PCDH7: variants seen among roughly 807,000 people sequenced by gnomAD.
PCDH7 encodes the protein protocadherin 7, also known as protocadherin-7.
Under a neutral mutation model 58.9 loss-of-function variants are expected in PCDH7, and 17 were observed. The ratio of observed to expected loss-of-function variants is 0.29; its 90% CI spans 0.20 to 0.43. The LOEUF is 0.43. PCDH7 is among the 20% of genes least tolerant of loss of function. The pLI, the probability that PCDH7 is intolerant of heterozygous loss-of-function variation, is 1.00. For missense variants in PCDH7, 1,274 were observed against 1,441.0 expected, an observed-to-expected ratio of 0.88 and a Z score of 1.88; for synonymous variants, 664 against 616.4, an observed-to-expected ratio of 1.08 and a Z score of -1.14.
chr4:30,797,366 G>A (rs779742946), intron 1 of PCDH7, among the ~76,000 whole-genome samples: 1 of 151,248 alleles, frequency 6.6e-6, no homozygotes, highest in Non-Finnish European at 1.5e-5. Flanking sequence ...TCCGCCTCCC[G>A]GGTTCACACC....
At chr4:30,942,008 G>GTATATATT (rs1553917470) in intron 2 of PCDH7, among the ~76,000 whole-genome samples, 1 of 151,806 alleles carries the variant, frequency 6.6e-6, no homozygotes, top group Non-Finnish European at 1.5e-5. Context: ...GTGGAGGCCT[G>GTATATATT]TATTTATTTA....
At position 30,724,112 on chromosome 4, in the gene PCDH7, T is replaced by C. The variant is rs141007619; in HGVS notation, c.2690T>C (p.Ile897Thr). Residue 897 changes from isoleucine (I) to threonine (T), a missense_variant, in exon 1 of 2, where the codon ATT becomes ACT. Coordinates refer to ENST00000361762, the Ensembl canonical transcript of PCDH7. ...ATGACGGTGATTCTAATCATCTTAA[T>C]TGTAGTGATGGCAAGGTACTGCAGG... 925 of 1,614,026 alleles carry C rather than the reference T, an allele frequency of 5.7e-4. 4 individuals carry two copies. Among genetic ancestry groups the C allele is most frequent in the Middle Eastern group, 1.5e-3 (9 of 6,062 alleles).
At chr4:30,839,855 A>G (rs1041878091) in intron 1 of PCDH7, among the ~76,000 whole-genome samples, 3 of 152,172 alleles carry the variant, frequency 2.0e-5, no homozygotes, top group Admixed American at 6.6e-5. Flanking sequence ...GATACAGTAT[A>G]TCTATTGCTG....
At chr4:31,141,355 G>A (rs1720230835) in intron 3 of PCDH7, among the ~76,000 whole-genome samples, 1 of 152,110 alleles carries the variant, frequency 6.6e-6, no homozygotes, top group Non-Finnish European at 1.5e-5. Flanking sequence ...GATAACAACT[G>A]GAATGCAGTC....
chr4:31,082,883 C>T lies in PCDH7; in HGVS notation c.*8-59590C>T, dbSNP rs188235636. Among the ~76,000 whole-genome samples the T allele has an allele frequency of 6.8e-3, 1,030 of 152,136 alleles. 11 individuals are homozygous for T. The highest frequency in any genetic ancestry group is 0.023 in the African/African-American group (971 of 41,528). ...TTGGGAGGCCAAGGGCCAAGGTGGG[C>T]GGATCACGAGGTCAGGAGATCGAGA... On this transcript the variant is annotated intron_variant, in intron 3 of 3. Coordinates refer to the PCDH7 transcript ENST00000509759.
intron 3 of PCDH7, among the ~76,000 whole-genome samples, chr4:30,997,674 GCAGA>G (rs1482615089): frequency 6.6e-6 from 1 of 152,046 alleles, no homozygotes; most frequent in African/African-American, 2.4e-5. Context: ...CTAAAATCAT[GCAGA>G]CAATGTTGAA....
At chr4:30,799,806 GCAT>G (rs1725287010) in intron 1 of PCDH7, among the ~76,000 whole-genome samples, 1 of 151,430 alleles carries the variant, frequency 6.6e-6, no homozygotes, top group Non-Finnish European at 1.5e-5. Context: ...TGGAATTATT[GCAT>G]ATAATTCAAG....
At chr4:31,129,999 CA>C (rs1718781691) in intron 3 of PCDH7, among the ~76,000 whole-genome samples, 1 of 151,676 alleles carries the variant, frequency 6.6e-6, no homozygotes, top group South Asian at 2.1e-4. Flanking sequence ...AAAACAACAA[CA>C]AAAAATAAGT....
chr4:30,747,883 G>A (rs1047408705), intron 1 of PCDH7, among the ~76,000 whole-genome samples: 1 of 152,142 alleles, frequency 6.6e-6, no homozygotes, highest in Non-Finnish European at 1.5e-5. Flanking sequence ...TATTTGGGTA[G>A]ACTCCAGTCA....
intron 3 of PCDH7, among the ~76,000 whole-genome samples, chr4:31,085,124 T>A (rs1712218385): frequency 6.6e-6 from 1 of 152,020 alleles, no homozygotes; most frequent in Non-Finnish European, 1.5e-5. Context: ...TTTTTAAGGA[T>A]AACTTGATGG....
chr4:30,911,100 T>G (rs1042482409), intron 1 of PCDH7, among the ~76,000 whole-genome samples: 1 of 151,448 alleles, frequency 6.6e-6, no homozygotes. Flanking sequence ...TAAGTGGGAG[T>G]TGAACAATGA....
At chr4:31,093,940 TG>T (rs1447247906) in intron 3 of PCDH7, among the ~76,000 whole-genome samples, 1 of 152,142 alleles carries the variant, frequency 6.6e-6, no homozygotes, top group African/African-American at 2.4e-5. Flanking sequence ...AACTGGAATT[TG>T]TAAGCGATCT....
At chr4:30,931,823 C>G (rs78385859) in intron 2 of PCDH7, among the ~76,000 whole-genome samples, 1 of 140,260 alleles carries the variant, frequency 7.1e-6, no homozygotes, top group East Asian at 2.1e-4. Context: ...TTTTTCAGGA[C>G]TTTTTTTTTT....
intron 1 of PCDH7, among the ~76,000 whole-genome samples, chr4:30,852,198 A>C (rs901276018): frequency 6.6e-6 from 1 of 152,120 alleles, no homozygotes; most frequent in African/African-American, 2.4e-5. Flanking sequence ...TTAAGAGACT[A>C]TGACAAAATA....
chr4:30,841,875 T>C (rs1383322990), intron 1 of PCDH7, among the ~76,000 whole-genome samples: 1 of 152,082 alleles, frequency 6.6e-6, no homozygotes, highest in East Asian at 1.9e-4. Context: ...TTTAATATTC[T>C]CCTGAGTTGT....
At chr4:30,769,348 G>A (rs567761776) in intron 1 of PCDH7, among the ~76,000 whole-genome samples, 4 of 152,292 alleles carry the variant, frequency 2.6e-5, no homozygotes, top group South Asian at 2.1e-4. Flanking sequence ...CTGTCACTCC[G>A]CATGGTTTCC....
At chr4:30,840,589 GA>G (rs1028181102) in intron 1 of PCDH7, among the ~76,000 whole-genome samples, 1 of 151,776 alleles carries the variant, frequency 6.6e-6, no homozygotes, top group Non-Finnish European at 1.5e-5. Flanking sequence ...ACAATAATGA[GA>G]AAAAAAATGG....
intron 3 of PCDH7, among the ~76,000 whole-genome samples, chr4:31,141,812 TGGTAGGAGGGG>T (rs981083725): frequency 6.6e-6 from 1 of 151,854 alleles, no homozygotes; most frequent in Non-Finnish European, 1.5e-5. Flanking sequence ...TCATTTGGCA[TGGTAGGAGGGG>T]GGTGAGGGGA....
intron 1 of PCDH7, among the ~76,000 whole-genome samples, chr4:30,749,419 G>A (rs1420148139): frequency 6.6e-6 from 1 of 152,150 alleles, no homozygotes; most frequent in East Asian, 1.9e-4. Context: ...GAGGAGGAAA[G>A]ATAGAACAGT....
Sources: allele counts gnomAD v4.1 joint callset (sites outside exome capture counted in the v4.1 genomes callset), GRCh38; gene constraint gnomAD v4.1.1; transcripts MANE v1.5; gene names NCBI Gene and HGNC (gene_info 2026-07-23, HGNC 2026-07-21).